Variants in TJP1 observed in about 807,000 individuals in gnomAD.
The protein encoded by TJP1 is tight junction protein 1.
Under a neutral mutation model 194.2 loss-of-function variants are expected in TJP1, and 43 were observed. The observed-to-expected ratio is 0.22, with a 90% CI of 0.17 to 0.29. The LOEUF (loss-of-function observed/expected upper bound fraction) is 0.29. Among genes scored for constraint, TJP1 ranks in the 10% least tolerant of loss-of-function variants. The pLI is 1.00. For missense variants in TJP1, 1,971 were observed against 2,185.7 expected, an observed-to-expected ratio of 0.90 and a Z score of 1.96; for synonymous variants, 801 against 779.0, an observed-to-expected ratio of 1.03 and a Z score of -0.47.
At chr15:29,893,795 T>C (rs576660659) in intron 2 of TJP1, among the ~76,000 whole-genome samples, 1 of 152,320 alleles carries the variant, frequency 6.6e-6, no homozygotes, top group East Asian at 1.9e-4. Flanking sequence ...ATTGTGATAT[T>C]TGCTTTATTG....
chr15:29,874,303 T>C (rs371494760), intron 2 of TJP1, among the ~76,000 whole-genome samples: 1 of 152,270 alleles, frequency 6.6e-6, no homozygotes, highest in Non-Finnish European at 1.5e-5. Context: ...GGGATGGGGT[T>C]GCAGAGCACT....
intron 2 of TJP1, among the ~76,000 whole-genome samples, chr15:29,793,210 A>G (rs2048202703): frequency 6.6e-6 from 1 of 152,122 alleles, no homozygotes; most frequent in Admixed American, 6.5e-5. Flanking sequence ...AGGCTTTTAG[A>G]TTCCCCCCTC....
chr15:29,859,758 CGAG>C, intron 2 of TJP1, among the ~76,000 whole-genome samples: 1 of 152,288 alleles, frequency 6.6e-6, no homozygotes. Flanking sequence ...CAGCTTCTTC[CGAG>C]AATTGTTCTT....
chr15:29,853,135 A>G (rs1390838648), intron 2 of TJP1, among the ~76,000 whole-genome samples: 1 of 152,222 alleles, frequency 6.6e-6, no homozygotes, highest in Non-Finnish European at 1.5e-5. Flanking sequence ...GAGTAAAATA[A>G]GCCAATCCCA....
At chr15:29,724,387 A>C (rs2043120797) in intron 18 of TJP1, among the ~76,000 whole-genome samples, 1 of 152,172 alleles carries the variant, frequency 6.6e-6, no homozygotes, top group South Asian at 2.1e-4. Flanking sequence ...TATCTACTCT[A>C]ATCTTTAACT....
In TJP1 at chr15:29,716,595, A is replaced by G. The variant is rs759523663; in HGVS notation, c.4202+16T>C. ...ATGCTGCATCCTATTTTTAAAAGCC[A>G]GGTGAAATAGCTTACTTTGAAGAAT... On this transcript the variant is annotated intron_variant, in intron 23 of 27. Coordinates refer to ENST00000614355, the MANE Select transcript of TJP1 (RefSeq NM_001330239.4). The G allele has an allele frequency of 3.8e-6, 6 of 1,577,280 alleles. No individual in the cohort carries two copies. Among genetic ancestry groups the G allele is most frequent in the Non-Finnish European group, 5.2e-6 (6 of 1,148,522 alleles).
chr15:29,719,498 GTT>G (rs2042797649), intron 20 of TJP1, among the ~76,000 whole-genome samples: 1 of 152,074 alleles, frequency 6.6e-6, no homozygotes, highest in Admixed American at 6.5e-5. Context: ...TTTATGATGG[GTT>G]TCGATTACAT....
chr15:29,743,672 A>G (rs1310459789), intron 8 of TJP1, among the ~76,000 whole-genome samples: 1 of 152,202 alleles, frequency 6.6e-6, no homozygotes, highest in African/African-American at 2.4e-5. Flanking sequence ...GGCTGAAGTG[A>G]GCTATGATAG....
chr15:29,803,112 C>T (rs529339476), intron 1 of TJP1, among the ~76,000 whole-genome samples: 4 of 152,248 alleles, frequency 2.6e-5, no homozygotes, highest in African/African-American at 9.6e-5. Flanking sequence ...CATTGTTTAT[C>T]ACCTTCAAAG....
chr15:29,711,882 T>C (rs1409035924), intron 23 of TJP1, among the ~76,000 whole-genome samples: 1 of 152,218 alleles, frequency 6.6e-6, no homozygotes, highest in Non-Finnish European at 1.5e-5. Flanking sequence ...TGCGTTTCAG[T>C]AAAACTAAAA....
At chr15:29,740,749 G>A (rs534242027) in intron 10 of TJP1, among the ~76,000 whole-genome samples, 1 of 152,270 alleles carries the variant, frequency 6.6e-6, no homozygotes, top group South Asian at 2.1e-4. Context: ...AATGAAAGGT[G>A]TTAAGATAGT....
intron 1 of TJP1, among the ~76,000 whole-genome samples, chr15:29,808,049 T>G (rs1036072006): frequency 1.3e-5 from 2 of 151,982 alleles, no homozygotes; most frequent in Admixed American, 1.3e-4. Flanking sequence ...AGGCAGATCA[T>G]TTGAGGCCAG....
At chr15:29,755,458 T>G (rs924759788) in intron 8 of TJP1, among the ~76,000 whole-genome samples, 1 of 152,216 alleles carries the variant, frequency 6.6e-6, no homozygotes, top group Non-Finnish European at 1.5e-5. Flanking sequence ...AACGTGAATT[T>G]AGGCTAAAAA....
downstream of TJP1, chr15:29,699,371 G>A (rs1244117967): frequency 6.6e-6 from 1 of 152,112 alleles, no homozygotes; most frequent in Non-Finnish European, 1.5e-5. Flanking sequence ...GCAACATATT[G>A]TATGATTCCA....
chr15:29,704,239 T>TCCA lies in TJP1; in HGVS notation c.5132_5134dup (p.Val1711dup). The TCCA allele has an allele frequency of 6.3e-7, 1 of 1,596,736 alleles. No individual in the cohort carries two copies. Among genetic ancestry groups the TCCA allele is most frequent in the Non-Finnish European group, 8.5e-7 (1 of 1,171,856 alleles). ...GGACGCACAGTGTGGTAAGCGCAGC[T>TCCA]CCACAGGCTTCAGGAACTTGAGGCC... is the stretch of plus-strand genomic sequence containing the variant. On this transcript the variant is annotated inframe_insertion, in exon 27 of 28. Coordinates refer to ENST00000614355, the MANE Select transcript of TJP1 (RefSeq NM_001330239.4).
At chr15:29,907,053 G>A (rs977653641) in intron 2 of TJP1, among the ~76,000 whole-genome samples, 4 of 152,030 alleles carry the variant, frequency 2.6e-5, no homozygotes, top group Non-Finnish European at 5.9e-5. Flanking sequence ...GTACATAGGA[G>A]TTCATTATAT....
chr15:29,730,798 C>G (rs1432994293), intron 15 of TJP1: 1 of 791,936 alleles, frequency 1.3e-6, no homozygotes, highest in Non-Finnish European at 2.3e-6. Flanking sequence ...GCGAGGTTGT[C>G]TGCTAAACCT....
chr15:29,819,009 G>A (rs1001785454), intron 1 of TJP1, among the ~76,000 whole-genome samples: 1 of 152,064 alleles, frequency 6.6e-6, no homozygotes, highest in African/African-American at 2.4e-5. Context: ...GTAGAGACGG[G>A]GTTTCACCAT....
At chr15:29,944,046 G>A (rs143687150) in intron 2 of TJP1, among the ~76,000 whole-genome samples, 1,719 of 151,958 alleles carry the variant, frequency 0.011, 28 homozygotes, top group African/African-American at 0.039. Context: ...ATTAAAAATC[G>A]TTAGAAAACA....
Sources: gnomAD v4.1 joint callset for allele counts (sites outside exome capture counted in the v4.1 genomes callset) on GRCh38, gnomAD v4.1.1 for gene constraint, MANE v1.5 for transcripts, NCBI Gene and HGNC (gene_info 2026-07-23, HGNC 2026-07-21) for gene names.